The following CDH13 variants were observed in gnomAD, a reference collection of about 807,000 sequenced individuals.
CDH13 encodes cadherin-13.
In CDH13, 24 loss-of-function variants were observed where a neutral mutation model predicts 63.8. The observed-to-expected ratio is 0.38, with a 90% confidence interval of 0.27 to 0.53. CDH13 has a LOEUF of 0.53. Among genes scored for constraint, CDH13 ranks in the 20% least tolerant of loss-of-function variants. The probability of loss-of-function intolerance (pLI) is 0.85; values close to 1 mark genes in which losing one functional copy is unlikely to be tolerated. For synonymous variants in CDH13, 503 were observed against 355.3 expected (o/e 1.42, Z -4.67); for missense variants, 1,049 against 903.1 (o/e 1.16, Z -2.07).
intron 6 of CDH13, among the ~76,000 whole-genome samples, chr16:83,388,836 A>C (rs1044712376): frequency 9.9e-5 from 15 of 152,180 alleles, no homozygotes; most frequent in Non-Finnish European, 1.9e-4. Context: ...AGAAATTCAG[A>C]ATCTAAAGCT....
chr16:83,295,392 A>G (rs1037787448), intron 5 of CDH13, among the ~76,000 whole-genome samples: 3 of 152,168 alleles, frequency 2.0e-5, no homozygotes, highest in Admixed American at 6.5e-5. Context: ...TCAACTAAAA[A>G]ACTTCTGCAC....
intron 1 of CDH13, among the ~76,000 whole-genome samples, chr16:82,737,732 C>A (rs375575870): frequency 7.9e-5 from 12 of 152,172 alleles, no homozygotes; most frequent in Admixed American, 5.2e-4. Flanking sequence ...ATACTTTTTT[C>A]TCCTTTTCCT....
intron 4 of CDH13, among the ~76,000 whole-genome samples, chr16:83,200,090 C>A (rs1052240588): frequency 4.6e-5 from 7 of 152,122 alleles, no homozygotes; most frequent in African/African-American, 1.7e-4. Context: ...TCACACGGTG[C>A]TGATACGCTT....
chr16:83,383,758 A>G (rs780227938), intron 6 of CDH13, among the ~76,000 whole-genome samples: 3 of 152,092 alleles, frequency 2.0e-5, no homozygotes, highest in Non-Finnish European at 4.4e-5. Flanking sequence ...ATACAATGAG[A>G]TATTCTGAAC....
At chr16:83,699,273 T>C (rs1190512844) in intron 10 of CDH13, among the ~76,000 whole-genome samples, 4 of 152,226 alleles carry the variant, frequency 2.6e-5, no homozygotes, top group African/African-American at 9.6e-5. Context: ...ACCAGTTGTT[T>C]TTCTGTCAAC....
At chr16:83,783,207 G>A (rs752103859) in intron 12 of CDH13, 47 bp from the exon 13 acceptor site, 9 of 1,335,638 alleles carry the variant, frequency 6.7e-6, no homozygotes, top group Non-Finnish European at 9.6e-6. Flanking sequence ...CTCTTTTATT[G>A]GAAAAAGTCT....
intron 5 of CDH13, among the ~76,000 whole-genome samples, chr16:83,218,102 A>G (rs956106914): frequency 6.6e-6 from 1 of 152,366 alleles, no homozygotes; most frequent in South Asian, 2.1e-4. Flanking sequence ...CAAAAATGAT[A>G]AAGAAAAATC....
At chr16:82,702,838 G>A (rs556689440) in intron 1 of CDH13, among the ~76,000 whole-genome samples, 8 of 152,270 alleles carry the variant, frequency 5.3e-5, no homozygotes, top group African/African-American at 1.9e-4. Context: ...ATCAGGCACA[G>A]CTTAGTGTGA....
intron 2 of CDH13, among the ~76,000 whole-genome samples, chr16:82,938,525 C>G (rs2042737405): frequency 6.6e-6 from 1 of 152,190 alleles, no homozygotes; most frequent in African/African-American, 2.4e-5. Context: ...CAGCATGGCA[C>G]TGCCCAGCAT....
At chr16:83,069,052 T>G (rs1255436566) in intron 3 of CDH13, among the ~76,000 whole-genome samples, 1 of 152,234 alleles carries the variant, frequency 6.6e-6, no homozygotes, top group Non-Finnish European at 1.5e-5. Context: ...CTGCTTCAAT[T>G]TAAGTCAGAT....
At chr16:82,851,155 G>A (rs114216018) in intron 1 of CDH13, among the ~76,000 whole-genome samples, 1,984 of 152,228 alleles carry the variant, frequency 0.013, 40 homozygotes, top group African/African-American at 0.044. Flanking sequence ...CAACAATAGG[G>A]CCAGGTACGG....
rs372930520 is a variant in CDH13, at chr16:83,392,096, G to A, written c.781+47090G>A. 4.6e-5 allele frequency among the ~76,000 whole-genome samples: 7 copies of A among 151,940 alleles called. No individual in the cohort carries two copies. In the East Asian group the frequency reaches 5.8e-4, roughly 13 times the overall value. ...TGTGACACTCAAAAATCGCCCCCTC[G>A]CACTTCGAAAGCACACCCCTATACA... On this transcript the variant is annotated intron_variant, in intron 6 of 13. Coordinates refer to ENST00000567109, the MANE Select transcript of CDH13 (RefSeq NM_001257.5).
At chr16:82,896,564 G>A (rs1332255917) in intron 2 of CDH13, among the ~76,000 whole-genome samples, 1 of 151,700 alleles carries the variant, frequency 6.6e-6, no homozygotes, top group African/African-American at 2.4e-5. Context: ...CCAAAGAGAT[G>A]GGATTACAGG....
At chr16:82,675,714 G>A (rs1250662043) in intron 1 of CDH13, among the ~76,000 whole-genome samples, 1 of 152,144 alleles carries the variant, frequency 6.6e-6, no homozygotes, top group Non-Finnish European at 1.5e-5. Context: ...TTCCCTTCCT[G>A]CCTTTCCTAC....
At chr16:83,033,000 A>C (rs375385970) in intron 3 of CDH13, among the ~76,000 whole-genome samples, 3 of 152,302 alleles carry the variant, frequency 2.0e-5, no homozygotes, top group East Asian at 3.9e-4. Context: ...TTACATGCAC[A>C]TATACCACAT....
In CDH13 at chr16:83,650,866, A is replaced by G. The variant is rs966603351; in HGVS notation, c.1102-19924A>G. 2.6e-5 allele frequency among the ~76,000 whole-genome samples: 4 copies of G among 152,262 alleles called. No individual in the cohort carries two copies. In the South Asian group the frequency reaches 8.3e-4, roughly 32 times the overall value. ...GGCTGGAGGATTGCCTAAGGCCAGGAGTTCAAGACCAGCCTGGGCAACATA... is the reference window on the plus strand; with the variant it reads ...GGCTGGAGGATTGCCTAAGGCCAGGGGTTCAAGACCAGCCTGGGCAACATA... On this transcript the variant is annotated intron_variant, in intron 8 of 13. Transcript: ENST00000567109.
At chr16:83,441,030 G>A (rs1057272762) in intron 6 of CDH13, among the ~76,000 whole-genome samples, 3 of 152,118 alleles carry the variant, frequency 2.0e-5, no homozygotes, top group African/African-American at 7.2e-5. Context: ...ATATATTTAA[G>A]GATGCTTGTC....
intron 13 of CDH13, among the ~76,000 whole-genome samples, chr16:83,792,242 A>G (rs1916321539): frequency 6.6e-6 from 1 of 152,254 alleles, no homozygotes; most frequent in Non-Finnish European, 1.5e-5. Flanking sequence ...GACATTATGG[A>G]CAATGACAGT....
At chr16:83,186,338 C>A (rs1405855691) in intron 4 of CDH13, among the ~76,000 whole-genome samples, 2 of 151,854 alleles carry the variant, frequency 1.3e-5, no homozygotes. Context: ...GGGGTTTCAC[C>A]ATATTGGCCA....
Sources: gnomAD v4.1 joint callset for allele counts (sites outside exome capture counted in the v4.1 genomes callset) on GRCh38, gnomAD v4.1.1 for gene constraint, MANE v1.5 for transcripts, NCBI Gene and HGNC (gene_info 2026-07-23, HGNC 2026-07-21) for gene names.